The following CRYL1 variants were observed in gnomAD, a reference collection of about 807,000 sequenced individuals.
CRYL1 encodes lambda-crystallin homolog.
CRYL1 carries 29 observed loss-of-function variants against 36.6 expected under a neutral mutation model. The ratio of observed to expected loss-of-function variants is 0.79; its 90% CI spans 0.59 to 1.08. CRYL1 has a LOEUF of 1.08. CRYL1 is among the 50% of genes least tolerant of loss of function. The pLI, the probability that CRYL1 is intolerant of heterozygous loss-of-function variation, is 0.00. For missense variants in CRYL1, 411 were observed against 407.9 expected (o/e 1.01, Z -0.06); for synonymous variants, 152 against 151.5 (o/e 1.00, Z -0.02).
At chr13:20,412,119 C>T (rs2031538266) in intron 6 of CRYL1, among the ~76,000 whole-genome samples, 1 of 152,118 alleles carries the variant, frequency 6.6e-6, no homozygotes, top group Non-Finnish European at 1.5e-5. Flanking sequence ...CAACCACATC[C>T]CCTTTTCAGC....
intron 2 of CRYL1, among the ~76,000 whole-genome samples, chr13:20,500,554 T>C (rs748080437): frequency 2.3e-4 from 35 of 152,204 alleles, no homozygotes; most frequent in Non-Finnish European, 4.7e-4. Flanking sequence ...GCCAAGTATA[T>C]GGGACTGAAG....
intron 1 of CRYL1, among the ~76,000 whole-genome samples, chr13:20,519,317 T>C (rs984808432): frequency 2.0e-5 from 3 of 152,092 alleles, no homozygotes; most frequent in East Asian, 3.8e-4. Context: ...GGATTGACCA[T>C]TGGGTTTTGC....
At chr13:20,511,014 C>T (rs2033906130) in intron 2 of CRYL1, among the ~76,000 whole-genome samples, 1 of 152,106 alleles carries the variant, frequency 6.6e-6, no homozygotes, top group Non-Finnish European at 1.5e-5. Context: ...CCTTCCAAAA[C>T]AGTACAGTCT....
intron 6 of CRYL1, among the ~76,000 whole-genome samples, chr13:20,411,962 T>A (rs2031534199): frequency 6.6e-6 from 1 of 152,220 alleles, no homozygotes; most frequent in African/African-American, 2.4e-5. Context: ...TTTCATTAAC[T>A]ACTGTGAAAA....
At chr13:20,464,755 T>G (rs2032898545) in intron 3 of CRYL1, among the ~76,000 whole-genome samples, 1 of 152,250 alleles carries the variant, frequency 6.6e-6, no homozygotes, top group Admixed American at 6.5e-5. Context: ...TTGCTGACTT[T>G]GTTCATTGCA....
intron 2 of CRYL1, among the ~76,000 whole-genome samples, chr13:20,507,874 A>T (rs995475347): frequency 6.7e-6 from 1 of 150,354 alleles, no homozygotes; most frequent in African/African-American, 2.5e-5. Context: ...GCCAAGATCG[A>T]GCCACTGCAC....
chr13:20,498,999 C>T (rs1022612429), intron 2 of CRYL1, among the ~76,000 whole-genome samples: 9 of 152,054 alleles, frequency 5.9e-5, no homozygotes, highest in African/African-American at 2.2e-4. Context: ...TATTAGGTTC[C>T]CTGAAGTCCA....
intron 2 of CRYL1, among the ~76,000 whole-genome samples, chr13:20,503,595 G>A (rs770269845): frequency 2.0e-5 from 3 of 152,200 alleles, no homozygotes; most frequent in Non-Finnish European, 2.9e-5. Flanking sequence ...GCTAATAACC[G>A]ACTGGCCGAT....
At chr13:20,472,185 G>A (rs1593468551) in intron 3 of CRYL1, among the ~76,000 whole-genome samples, 2 of 151,906 alleles carry the variant, frequency 1.3e-5, no homozygotes, top group South Asian at 4.1e-4. Context: ...TTAAAAAATG[G>A]CCTAGTATTT....
chr13:20,511,225 C>T, intron 2 of CRYL1, among the ~76,000 whole-genome samples: 1 of 152,056 alleles, frequency 6.6e-6, no homozygotes, highest in East Asian at 1.9e-4. Context: ...GCTAGGACTA[C>T]TATCTAGGTG....
intron 3 of CRYL1, among the ~76,000 whole-genome samples, chr13:20,465,710 G>C (rs533320655): frequency 6.6e-6 from 1 of 152,128 alleles, no homozygotes; most frequent in Non-Finnish European, 1.5e-5. Flanking sequence ...CAAAGACCTG[G>C]CCCTGAGCCA....
chr13:20,431,644 A>G, intron 5 of CRYL1: 1 of 1,069,558 alleles, frequency 9.3e-7, no homozygotes, highest in African/African-American at 1.7e-5. Context: ...ACAAGCATTT[A>G]CTCTAACAAG....
chr13:20,444,041 C>T (rs1186417604), intron 3 of CRYL1, among the ~76,000 whole-genome samples: 1 of 152,148 alleles, frequency 6.6e-6, no homozygotes, highest in Non-Finnish European at 1.5e-5. Flanking sequence ...CCATTTCTCC[C>T]AGGAGTACAA....
chr13:20,480,382 C>CAA (rs1157623995), intron 3 of CRYL1, among the ~76,000 whole-genome samples: 8 of 135,718 alleles, frequency 5.9e-5, no homozygotes, highest in African/African-American at 2.1e-4. Flanking sequence ...AACTCTGTCT[C>CAA]AAAAAAAAAA....
chr13:20,416,342 A>AT (rs1169258900), intron 5 of CRYL1, among the ~76,000 whole-genome samples: 3 of 152,080 alleles, frequency 2.0e-5, no homozygotes, highest in Non-Finnish European at 4.4e-5. Context: ...GGGCTGGGGG[A>AT]TATCTACCTA....
chr13:20,472,019 C>T (rs1473461151), intron 3 of CRYL1, among the ~76,000 whole-genome samples: 2 of 152,100 alleles, frequency 1.3e-5, no homozygotes, highest in Non-Finnish European at 2.9e-5. Context: ...CACCAACATG[C>T]AAGGCTAATT....
chr13:20,434,400 G>A (rs958583324), intron 4 of CRYL1, among the ~76,000 whole-genome samples: 2 of 151,988 alleles, frequency 1.3e-5, no homozygotes, highest in Non-Finnish European at 2.9e-5. Context: ...TCTGTAAAAC[G>A]CACCAATCAG....
chr13:20,406,528 G>T lies in CRYL1; in HGVS notation c.740-1787C>A, dbSNP rs547899418. Reference sequence around the variant, plus strand: ...ATTTAACCTAAGTGTTAATTTGGCAGTGCAGAATTCTGGAAGTCTCCTGAG... The same window carrying T: ...ATTTAACCTAAGTGTTAATTTGGCATTGCAGAATTCTGGAAGTCTCCTGAG... On this transcript the variant is annotated intron_variant, in intron 6 of 7. Transcript: ENST00000298248. Among the ~76,000 whole-genome samples the T allele has an allele frequency of 7.9e-5, 12 of 152,300 alleles. No homozygotes were observed. In the East Asian group the frequency reaches 2.1e-3, roughly 27 times the overall value.
intron 3 of CRYL1, among the ~76,000 whole-genome samples, chr13:20,483,977 T>G (rs944456326): frequency 6.6e-6 from 1 of 152,124 alleles, no homozygotes; most frequent in African/African-American, 2.4e-5. Context: ...CCACCACACC[T>G]GGCTAATTTT....
Sources: gnomAD v4.1 joint callset for allele counts (sites outside exome capture counted in the v4.1 genomes callset) on GRCh38, gnomAD v4.1.1 for gene constraint, MANE v1.5 for transcripts, NCBI Gene and HGNC (gene_info 2026-07-23, HGNC 2026-07-21) for gene names.